The following PREX1 variants were observed in gnomAD, a reference collection of about 807,000 sequenced individuals.
The protein encoded by PREX1 is phosphatidylinositol 3,4,5-trisphosphate-dependent Rac exchanger 1 protein.
PREX1 carries 41 observed loss-of-function variants against 198.3 expected under a neutral mutation model. That is an observed-to-expected ratio of 0.21 (90% confidence interval 0.16 to 0.27). The LOEUF (loss-of-function observed/expected upper bound fraction) is 0.27, where lower values mean the gene tolerates loss of function less well. Among genes scored for constraint, PREX1 ranks in the 10% least tolerant of loss-of-function variants. The pLI is 1.00. For missense variants in PREX1, 1,620 were observed against 2,200.7 expected (o/e 0.74, Z 5.28); for synonymous variants, 843 against 887.2 (o/e 0.95, Z 0.89).
rs1568848727 is a variant in PREX1, at chr20:48,747,005, CACACA to C, written c.291+799_291+803del. The stretch of plus-strand genomic sequence containing the variant: ...ACACACACACACACACACACACACA[CACACA>C]CCCCACCCCCAGGAGGAGCCATGCA... On this transcript the variant is annotated intron_variant, in intron 2 of 39. Transcript: ENST00000371941. Among the ~76,000 whole-genome samples the C allele has an allele frequency of 6.7e-4, 84 of 125,588 alleles. 3 individuals carry two copies. The East Asian group carries it at 9.1e-3, about 14-fold the overall frequency. 82.4% of individuals were successfully genotyped at this position (125,588 alleles called of 152,430 possible). A position where few individuals can be genotyped will look rare whatever the true frequency, so the allele number is the denominator to read the frequency against.
At chr20:48,664,929 A>G (rs35730831) in intron 15 of PREX1, among the ~76,000 whole-genome samples, 1,381 of 98,190 alleles carry the variant, frequency 0.014, 1 homozygote, top group Middle Eastern at 0.056. Context: ...TCTAATCCCG[A>G]CTCCAGACGG....
chr20:48,642,371 C>T (rs775094690), intron 28 of PREX1, 36 bp downstream of exon 28: 4 of 1,607,568 alleles, frequency 2.5e-6, no homozygotes, highest in Admixed American at 3.3e-5. Context: ...ACAGGAGGAA[C>T]CCAAAGTTGC....
At chr20:48,705,209 G>A (rs998951977) in intron 6 of PREX1, among the ~76,000 whole-genome samples, 3 of 152,214 alleles carry the variant, frequency 2.0e-5, no homozygotes, top group African/African-American at 4.8e-5. Context: ...CTCTCCCCAC[G>A]GAGGGGGTTG....
chr20:48,631,924 CCT>C (rs1306997560), intron 35 of PREX1, among the ~76,000 whole-genome samples: 1 of 152,162 alleles, frequency 6.6e-6, no homozygotes, highest in African/African-American at 2.4e-5. Context: ...CCCAAGGTCC[CCT>C]GTCCTAGCTC....
chr20:48,630,846 C>T lies in PREX1; in HGVS notation c.4527-52G>A, dbSNP rs762017584. 113 of 1,388,840 alleles carry T rather than the reference C, an allele frequency of 8.1e-5. No homozygotes were observed. The Admixed American group carries it at 1.9e-3, about 23-fold the overall frequency. The allele number at this position is 1,388,840 out of a possible 1,614,324, so 86.0% of individuals were successfully genotyped here. ...GGGGGCCACCACACCCACCATCCTCCTGCCCCTACCCAGGTCTCAACTCCT... is the reference window on the plus strand; with the variant it reads ...GGGGGCCACCACACCCACCATCCTCTTGCCCCTACCCAGGTCTCAACTCCT... On this transcript the variant is annotated intron_variant, in intron 35 of 39. Transcript: ENST00000371941.
intron 5 of PREX1, among the ~76,000 whole-genome samples, chr20:48,719,615 A>G (rs553161707): frequency 4.9e-4 from 74 of 152,316 alleles, no homozygotes; most frequent in African/African-American, 1.7e-3. Context: ...CAAAGAGATA[A>G]CCCAAAGTAT....
At chr20:48,754,147 C>T (rs915606702) in intron 1 of PREX1, among the ~76,000 whole-genome samples, 1 of 152,212 alleles carries the variant, frequency 6.6e-6, no homozygotes, top group African/African-American at 2.4e-5. Flanking sequence ...GGAGAGGCAA[C>T]TAGAATAAGA....
At position 48,627,550 on chromosome 20, in the gene PREX1, C is replaced by A. The variant is rs755223033; in HGVS notation, c.4935G>T (p.Pro1645=). Residue 1645 remains proline, a splice_region_variant and synonymous_variant, in exon 39 of 40, where the codon CCG becomes CCT. Coordinates refer to ENST00000371941, the MANE Select transcript of PREX1 (RefSeq NM_020820.4). ...GGGCGGACGAGGCAGCCACTCACCG[C>A]GGAGCACCCTGGGGCATCTGGTCCT... The part of the protein sequence containing the change: ...RVKDQMPQGA[P]RLYRLCQPPV... The A allele has an allele frequency of 6.2e-7, 1 of 1,613,902 alleles. No homozygotes were observed. Among genetic ancestry groups the A allele is most frequent in the Non-Finnish European group, 8.5e-7 (1 of 1,179,958 alleles).
chr20:48,700,309 A>G (rs1403416244), intron 7 of PREX1, among the ~76,000 whole-genome samples: 1 of 152,236 alleles, frequency 6.6e-6, no homozygotes, highest in African/African-American at 2.4e-5. Context: ...CCAATATGGT[A>G]GCCACGAGCC....
intron 1 of PREX1, among the ~76,000 whole-genome samples, chr20:48,803,153 C>T (rs187936876): frequency 2.0e-5 from 3 of 152,304 alleles, no homozygotes; most frequent in Admixed American, 6.5e-5. Flanking sequence ...TAGGTAATAG[C>T]AGGCATGGCT....
chr20:48,878,113 A>G, the PREX1 span, among the ~76,000 whole-genome samples: 2 of 152,050 alleles, frequency 1.3e-5, no homozygotes, highest in Non-Finnish European at 2.9e-5. Flanking sequence ...TGTCTCACAC[A>G]CAAAAAAAGC....
At chr20:48,645,771 CTGA>C (rs1268698088) in intron 26 of PREX1, 77 bp downstream of exon 26, 3 of 1,475,402 alleles carry the variant, frequency 2.0e-6, no homozygotes, top group Non-Finnish European at 1.9e-6. Context: ...TCCACTGATT[CTGA>C]TGTTGCCACG....
At chr20:48,626,671 C>T (rs3934722) in intron 39 of PREX1, among the ~76,000 whole-genome samples, 12,510 of 152,258 alleles carry the variant, frequency 0.082, 580 homozygotes, top group South Asian at 0.14. Flanking sequence ...GAGCCCCCAG[C>T]GCCACAGCAC....
intron 9 of PREX1, among the ~76,000 whole-genome samples, 165 bp from the exon 10 acceptor site, chr20:48,688,969 G>A (rs1465207645): frequency 2.0e-5 from 3 of 152,194 alleles, no homozygotes; most frequent in Non-Finnish European, 4.4e-5. Context: ...GGCACTGACT[G>A]TCGCTGCCCT....
At chr20:48,799,788 C>T (rs6019426) in intron 1 of PREX1, among the ~76,000 whole-genome samples, 1 of 152,158 alleles carries the variant, frequency 6.6e-6, no homozygotes, top group Non-Finnish European at 1.5e-5. Flanking sequence ...AGAAAGTACC[C>T]GTGTTCTCCT....
chr20:48,733,051 T>C (rs984243430), intron 4 of PREX1, among the ~76,000 whole-genome samples: 5 of 152,186 alleles, frequency 3.3e-5, no homozygotes, highest in African/African-American at 1.2e-4. Context: ...CCACTGTCCT[T>C]TGAGATGTCT....
chr20:48,637,661 T>A (rs765386339), intron 31 of PREX1, 50 bp downstream of exon 31: 83 of 1,533,158 alleles, frequency 5.4e-5, no homozygotes, highest in Non-Finnish European at 2.7e-6. Context: ...CGGCCTTGGG[T>A]GGTGGAAGAG....
the PREX1 span, among the ~76,000 whole-genome samples, chr20:48,879,046 ATTCAGCCATGCCTGAATCCCACTAGACTT>A: frequency 6.6e-6 from 1 of 152,166 alleles, no homozygotes; most frequent in Non-Finnish European, 1.5e-5. Context: ...GAGCCCCTGG[ATTCAGCCATGCCTGAATCCCACTAGACTT>A]TTCAGTTACA....
At chr20:48,876,335 T>C in the PREX1 span, among the ~76,000 whole-genome samples, 1 of 152,214 alleles carries the variant, frequency 6.6e-6, no homozygotes, top group South Asian at 2.1e-4. Flanking sequence ...GTTCTGTCTG[T>C]GGGATCCGCC....
Sources: gnomAD v4.1 joint callset for allele counts (sites outside exome capture counted in the v4.1 genomes callset) on GRCh38, gnomAD v4.1.1 for gene constraint, MANE v1.5 for transcripts, NCBI Gene and HGNC (gene_info 2026-07-23, HGNC 2026-07-21) for gene names.